RCAN2: variants seen among roughly 807,000 people sequenced by gnomAD.
RCAN2 encodes calcipressin-2.
RCAN2 carries 9 observed loss-of-function variants against 23.6 expected under a neutral mutation model. The observed-to-expected ratio is 0.38, with a 90% CI of 0.23 to 0.67. The LOEUF (loss-of-function observed/expected upper bound fraction) is 0.67, where lower values mean the gene tolerates loss of function less well. Ranked by LOEUF, RCAN2 falls within the 30% of genes least tolerant of loss-of-function variation. RCAN2 has a pLI of 0.51. For synonymous variants in RCAN2, 109 were observed against 115.7 expected (o/e 0.94, Z 0.37); for missense variants, 273 against 302.3 (o/e 0.90, Z 0.72).
intron 2 of RCAN2, among the ~76,000 whole-genome samples, chr6:46,443,236 T>C (rs1202068643): frequency 6.6e-6 from 1 of 152,194 alleles, no homozygotes; most frequent in Non-Finnish European, 1.5e-5. Flanking sequence ...TTAAAACTAA[T>C]ATTTGGTGAT....
At chr6:46,425,202 A>G (rs1431143088) in intron 2 of RCAN2, among the ~76,000 whole-genome samples, 1 of 152,208 alleles carries the variant, frequency 6.6e-6, no homozygotes, top group Non-Finnish European at 1.5e-5. Flanking sequence ...TGAGGACACC[A>G]AAGTTCTTTC....
rs1463503529 is a variant in RCAN2, at chr6:46,389,694, AGAGGCCTTATAGCCCGCTTGAGGCTGCT to A, written c.225+67030_225+67057del. 2.8e-4 allele frequency among the ~76,000 whole-genome samples: 43 copies of A among 152,328 alleles called. No individual in the cohort carries two copies. In the East Asian group the frequency reaches 3.3e-3, roughly 12 times the overall value. On this transcript the variant is annotated intron_variant, in intron 2 of 4. Coordinates refer to ENST00000371374, the MANE Select transcript of RCAN2 (RefSeq NM_001251974.2). ...ATGAATGCAAAGAAAATAAAGTCGT[AGAGGCCTTATAGCCCGCTTGAGGCTGCT>A]GAGGCCTTATAGCCCGCTTGAGGCT...
Position 46,248,756 on chromosome 6 carries a change from G to A in RCAN2, c.366C>T (p.Phe122=), listed in dbSNP as rs770580714. 7 of 1,611,702 alleles carry A rather than the reference G, an allele frequency of 4.3e-6. No homozygotes were observed. In the South Asian group the frequency reaches 6.6e-5, roughly 15 times the overall value. Reference sequence around the variant, plus strand: ...AGTAGAGCTTTAATTTTTTCCCTCTGAATTGGGTTTCATGAAGCTCTATCC... The same window carrying A: ...AGTAGAGCTTTAATTTTTTCCCTCTAAATTGGGTTTCATGAAGCTCTATCC... ...RARIELHETQ[F]RGKKLKLYFA... The change falls in exon 3 of 5, where the codon TTC becomes TTT. Residue 122 remains phenylalanine (F), a synonymous_variant. Transcript: ENST00000371374.
At chr6:46,355,733 C>G (rs1209660415) in intron 2 of RCAN2, among the ~76,000 whole-genome samples, 2 of 152,104 alleles carry the variant, frequency 1.3e-5, no homozygotes, top group African/African-American at 2.4e-5. Context: ...TCAAGAGTGC[C>G]AAAGAAGGCA....
chr6:46,309,899 G>A (rs574900643), intron 2 of RCAN2, among the ~76,000 whole-genome samples: 83 of 152,228 alleles, frequency 5.5e-4, no homozygotes, highest in Admixed American at 2.9e-3. Context: ...TGGCTTGCAG[G>A]TGGCCAATTT....
intron 4 of RCAN2, among the ~76,000 whole-genome samples, chr6:46,237,164 C>A (rs1766131718): frequency 6.6e-6 from 1 of 152,188 alleles, no homozygotes; most frequent in African/African-American, 2.4e-5. Flanking sequence ...ATTTTCATGG[C>A]AACTCATATT....
intron 1 of RCAN2, among the ~76,000 whole-genome samples, chr6:46,480,854 C>A (rs1387857629): frequency 6.6e-6 from 1 of 152,184 alleles, no homozygotes; most frequent in Non-Finnish European, 1.5e-5. Context: ...GATCTCCTGA[C>A]CTCGTGATAC....
intron 2 of RCAN2, among the ~76,000 whole-genome samples, chr6:46,284,490 T>G (rs535628201): frequency 2.6e-5 from 4 of 152,208 alleles, no homozygotes; most frequent in Admixed American, 1.3e-4. Context: ...CTAATTTTAA[T>G]AAAACCCAAT....
chr6:46,338,969 C>T (rs1764222657), intron 2 of RCAN2, among the ~76,000 whole-genome samples: 1 of 136,342 alleles, frequency 7.3e-6, no homozygotes, highest in South Asian at 2.3e-4. Context: ...GAGCCAAGCT[C>T]ATGCCACTAG....
In RCAN2 at chr6:46,221,252, T is replaced by C. The variant is rs1295894976; in HGVS notation, c.*1889A>G. ...TCTTTAGAACCTGCATTCTGGAAAT[T>C]CAGGGTAGCTTAAAAAATCAAGTCA... On this transcript the variant is annotated 3_prime_UTR_variant, in exon 5 of 5. Transcript: ENST00000371374. The C allele has an allele frequency of 6.6e-6, 1 of 152,576 alleles. No individual in the cohort carries two copies. The highest frequency in any genetic ancestry group is 1.9e-4 in the East Asian group (1 of 5,196). 9.5% of individuals were successfully genotyped at this position (152,576 alleles called of 1,614,324 possible).
chr6:46,260,356 C>T (rs1414973845), intron 2 of RCAN2, among the ~76,000 whole-genome samples: 2 of 152,096 alleles, frequency 1.3e-5, no homozygotes, highest in Non-Finnish European at 2.9e-5. Flanking sequence ...AACACCAGAA[C>T]GAGCCAAGAG....
intron 2 of RCAN2, among the ~76,000 whole-genome samples, chr6:46,416,226 A>C (rs1332757305): frequency 6.6e-6 from 1 of 151,874 alleles, no homozygotes; most frequent in Non-Finnish European, 1.5e-5. Context: ...GTAAAAAATT[A>C]AGTGAGCTAA....
intron 1 of RCAN2, among the ~76,000 whole-genome samples, chr6:46,478,360 T>C (rs923141389): frequency 6.6e-6 from 1 of 152,120 alleles, no homozygotes; most frequent in Non-Finnish European, 1.5e-5. Context: ...CAAACACCTA[T>C]AACACATTTC....
At chr6:46,475,734 G>A (rs1227961985) in intron 1 of RCAN2, among the ~76,000 whole-genome samples, 1 of 152,052 alleles carries the variant, frequency 6.6e-6, no homozygotes, top group Non-Finnish European at 1.5e-5. Flanking sequence ...ATGGCTACTC[G>A]ACTCTATGAT....
chr6:46,313,763 A>T (rs1432604312), intron 2 of RCAN2, among the ~76,000 whole-genome samples: 1 of 152,218 alleles, frequency 6.6e-6, no homozygotes, highest in African/African-American at 2.4e-5. Flanking sequence ...ATACTTCCTG[A>T]CTACATCAAA....
intron 2 of RCAN2, among the ~76,000 whole-genome samples, chr6:46,263,993 G>A (rs1238959278): frequency 6.6e-6 from 1 of 152,190 alleles, no homozygotes. Context: ...GATGGGTCAT[G>A]AGCCTGCTGA....
intron 2 of RCAN2, among the ~76,000 whole-genome samples, chr6:46,363,985 T>C (rs1765093588): frequency 6.6e-6 from 1 of 152,178 alleles, no homozygotes; most frequent in African/African-American, 2.4e-5. Context: ...GGAATACAAA[T>C]TGAATTTGCA....
At chr6:46,469,709 T>C (rs1040944385) in intron 1 of RCAN2, among the ~76,000 whole-genome samples, 1 of 152,202 alleles carries the variant, frequency 6.6e-6, no homozygotes, top group Non-Finnish European at 1.5e-5. Context: ...TTGTGCTATG[T>C]TATGAATGTG....
intron 1 of RCAN2, among the ~76,000 whole-genome samples, chr6:46,480,786 C>A (rs1020487392): frequency 6.6e-6 from 1 of 152,200 alleles, no homozygotes; most frequent in South Asian, 2.1e-4. Flanking sequence ...TCACCACACC[C>A]GGCTAATTTT....
Sources: gnomAD v4.1 joint callset for allele counts (sites outside exome capture counted in the v4.1 genomes callset) on GRCh38, gnomAD v4.1.1 for gene constraint, MANE v1.5 for transcripts, NCBI Gene and HGNC (gene_info 2026-07-23, HGNC 2026-07-21) for gene names.